Variants in CEP72 observed in about 807,000 individuals in gnomAD.
CEP72 encodes centrosomal protein 72, also known as centrosomal protein of 72 kDa.
A neutral mutation model predicts 65.7 loss-of-function variants in CEP72; 78 were observed. The ratio of observed to expected loss-of-function variants is 1.19; its 90% CI spans 0.99 to 1.43. The LOEUF is 1.43. Ranked by LOEUF, CEP72 falls within the 40% of genes most tolerant of loss-of-function variation. CEP72 has a pLI of 0.00. For synonymous variants in CEP72, 358 were observed against 351.7 expected, an observed-to-expected ratio of 1.02 and a Z score of -0.20; for missense variants, 914 against 832.9, an observed-to-expected ratio of 1.10 and a Z score of -1.20.
chr5:618,802 C>T (rs561499811), intron 1 of CEP72, among the ~76,000 whole-genome samples, 188 bp from the exon 2 acceptor site: 93 of 152,112 alleles, frequency 6.1e-4, no homozygotes, highest in African/African-American at 2.1e-3. Flanking sequence ...GGGTTTTGGC[C>T]GCACTAAACT....
rs1013678898 is a variant in CEP72, at chr5:620,164, G to C, written c.306G>C (p.Glu102Asp). 1 of 1,614,138 alleles carries C rather than the reference G, an allele frequency of 6.2e-7. No homozygotes were observed. Among genetic ancestry groups the C allele is most frequent in the Non-Finnish European group, 8.5e-7 (1 of 1,179,994 alleles). Residue 102 changes from glutamate to aspartate, a missense_variant, in exon 3 of 12, where the codon GAG becomes GAC. Coordinates refer to ENST00000264935, the MANE Select transcript of CEP72 (RefSeq NM_018140.4). Reference protein sequence around the residue: ...AEVFRLHALTELVDVDFRLNP... With the variant: ...AEVFRLHALTDLVDVDFRLNP... ...TGTTTCGGCTCCACGCCTTAACCGAGCTCGTGGATGTGGACTTCCGGCTGA... is the reference window on the plus strand; with the variant it reads ...TGTTTCGGCTCCACGCCTTAACCGACCTCGTGGATGTGGACTTCCGGCTGA...
chr5:649,122 A>AGGC (rs1561062533), intron 11 of CEP72, among the ~76,000 whole-genome samples: 8 of 42,534 alleles, frequency 1.9e-4, no homozygotes, highest in Admixed American at 3.0e-4. Flanking sequence ...TGAGGTGTGA[A>AGGC]TGTGAGGCGT....
intron 1 of CEP72, among the ~76,000 whole-genome samples, chr5:617,205 C>G (rs558354517): frequency 6.6e-6 from 1 of 152,302 alleles, no homozygotes; most frequent in East Asian, 1.9e-4. Context: ...GCTGGGTTCT[C>G]TCTCGAGTGC....
chr5:651,989 C>T (rs984921259), intron 11 of CEP72, among the ~76,000 whole-genome samples: 3 of 152,172 alleles, frequency 2.0e-5, no homozygotes, highest in East Asian at 1.9e-4. Context: ...CCATGGGGCC[C>T]ATCACAGGTG....
chr5:661,305 TCTC>T (rs1301675538), downstream of CEP72: 2 of 145,256 alleles, frequency 1.4e-5, no homozygotes, highest in South Asian at 2.2e-4. Context: ...CCTGTCCCTG[TCTC>T]CTCTTGTCAC....
chr5:673,722 G>A, the CEP72 span, among the ~76,000 whole-genome samples: 3 of 152,174 alleles, frequency 2.0e-5, no homozygotes, highest in Non-Finnish European at 4.4e-5. Flanking sequence ...CCCACACTGG[G>A]GAGGTGAATG....
At chr5:657,458 C>G (rs1006532663), downstream of CEP72, among the ~76,000 whole-genome samples, 3 of 152,212 alleles carry the variant, frequency 2.0e-5, no homozygotes, top group Non-Finnish European at 2.9e-5. Flanking sequence ...TATTCTTTCT[C>G]CATTCTCTAG....
intron 9 of CEP72, chr5:641,604 G>A (rs1738031564): frequency 4.1e-6 from 4 of 973,620 alleles, no homozygotes; most frequent in African/African-American, 1.9e-5. Flanking sequence ...GCCTCTGCAC[G>A]TGGCCTTCAT....
intron 10 of CEP72, 93 bp downstream of exon 10, chr5:644,518 G>C: frequency 7.0e-7 from 1 of 1,425,846 alleles, no homozygotes; most frequent in Non-Finnish European, 9.8e-7. Context: ...TGAGGGAAGT[G>C]AGCAGCAGCA....
Position 637,605 on chromosome 5 carries a change from G to T in CEP72, c.993G>T (p.Lys331Asn). The T allele has an allele frequency of 6.2e-7, 1 of 1,614,094 alleles. No individual in the cohort carries two copies. The highest frequency in any genetic ancestry group is 8.5e-7 in the Non-Finnish European group (1 of 1,180,044). The change falls in exon 7 of 12, where the codon AAG becomes AAT. Residue 331 changes from lysine to asparagine, a missense_variant. Coordinates refer to ENST00000264935, the MANE Select transcript of CEP72 (RefSeq NM_018140.4). ...MVPGPLPAPG[K>N]CRKRRMPVGR... The stretch of plus-strand genomic sequence containing the variant: ...CTGGTCCCCTGCCAGCCCCCGGAAA[G>T]TGCAGGAAGCGAAGAATGCCTGTTG...
At chr5:633,616 C>A (rs1737374582) in intron 4 of CEP72, among the ~76,000 whole-genome samples, 153 bp from the exon 5 acceptor site, 1 of 152,244 alleles carries the variant, frequency 6.6e-6, no homozygotes, top group Non-Finnish European at 1.5e-5. Context: ...TCTTTAGCAT[C>A]ACTGCAGTGG....
At chr5:667,906 T>G, downstream of CEP72, among the ~76,000 whole-genome samples, 1 of 63,336 alleles carries the variant, frequency 1.6e-5, no homozygotes, top group Non-Finnish European at 2.7e-5. Context: ...GTGGGCGCCG[T>G]CAGGGAAGTA....
At chr5:625,626 C>G (rs1436495653) in intron 4 of CEP72, among the ~76,000 whole-genome samples, 1 of 152,224 alleles carries the variant, frequency 6.6e-6, no homozygotes, top group African/African-American at 2.4e-5. Context: ...CCTCTTCCCT[C>G]AGATACCTGT....
chr5:645,487 C>T lies in CEP72; in HGVS notation c.1666+1062C>T, dbSNP rs1246148473. On this transcript the variant is annotated intron_variant, in intron 10 of 11. Transcript: ENST00000264935. The surrounding 1 kb of genome is among the most constrained non-coding windows in gnomAD (Gnocchi z 4.0). ...AAAAAAAAAAAAAAACAGTTCCCTG[C>T]CCGGGAGAACTGTGTGTGTGGTTTG... is the stretch of plus-strand genomic sequence containing the variant. Among the ~76,000 whole-genome samples the T allele has an allele frequency of 1.6e-4, 24 of 151,946 alleles. No individual in the cohort carries two copies. Among genetic ancestry groups the T allele is most frequent in the Non-Finnish European group, 2.9e-5 (2 of 67,938 alleles).
chr5:668,145 C>T (rs1431778280), downstream of CEP72, among the ~76,000 whole-genome samples: 1 of 130,644 alleles, frequency 7.7e-6, no homozygotes, highest in African/African-American at 3.1e-5. Flanking sequence ...GCGTGGGCCC[C>T]GTCAGGGAAG....
intron 1 of CEP72, among the ~76,000 whole-genome samples, chr5:614,419 T>A (rs879326485): frequency 6.6e-6 from 1 of 151,182 alleles, no homozygotes; most frequent in Non-Finnish European, 1.5e-5. Context: ...AGAATTTCCC[T>A]CGATACTTCC....
chr5:675,081 ATG>A, the CEP72 span, among the ~76,000 whole-genome samples: 2 of 5,300 alleles, frequency 3.8e-4, no homozygotes, highest in Non-Finnish European at 6.9e-4. Flanking sequence ...GGGGTGCAGC[ATG>A]GGGGGTTCAG....
intron 3 of CEP72, chr5:665,475 T>G (rs1739857951): frequency 3.0e-6 from 2 of 659,984 alleles, no homozygotes; most frequent in African/African-American, 1.8e-5. Flanking sequence ...TGGGGCAGCC[T>G]TGGGCCTGCG....
intron 8 of CEP72, among the ~76,000 whole-genome samples, chr5:639,691 G>A (rs918335188): frequency 4.6e-5 from 7 of 152,192 alleles, no homozygotes; most frequent in Non-Finnish European, 1.0e-4. Flanking sequence ...GATTCTACCA[G>A]GCAACCCGTA....
Sources: gnomAD v4.1 joint callset for allele counts (sites outside exome capture counted in the v4.1 genomes callset) on GRCh38, gnomAD v4.1.1 for gene constraint, Gnocchi (gnomAD v3.1) non-coding constraint, MANE v1.5 for transcripts, NCBI Gene and HGNC (gene_info 2026-07-23, HGNC 2026-07-21) for gene names.